The following PPP2R2C variants were observed in gnomAD, a reference collection of about 807,000 sequenced individuals.
PPP2R2C encodes protein phosphatase 2, regulatory subunit B, gamma.
A neutral mutation model predicts 45.3 loss-of-function variants in PPP2R2C; 10 were observed. The ratio of observed to expected loss-of-function variants is 0.22; its 90% CI spans 0.14 to 0.37. PPP2R2C has a LOEUF of 0.37. Ranked by LOEUF, PPP2R2C falls within the 10% of genes least tolerant of loss-of-function variation. PPP2R2C has a pLI of 1.00. For missense variants in PPP2R2C, 308 were observed against 619.7 expected (o/e 0.50, Z 5.34); for synonymous variants, 257 against 245.4 (o/e 1.05, Z -0.44).
rs545648988 is a variant in PPP2R2C, at chr4:6,558,407, A to G, written c.-59+5153T>C. ...GCAAGGTCAAGGAGAAGCCTTTCTC[A>G]GGGCTTACAAAGAGCCCTCTTCTCT... On this transcript the variant is annotated intron_variant, in intron 1 of 9. Coordinates refer to the PPP2R2C transcript ENST00000506140. Among the ~76,000 whole-genome samples, 3 of 152,292 alleles carry G rather than the reference A, an allele frequency of 2.0e-5. No individual in the cohort carries two copies. The East Asian group carries it at 5.8e-4, about 29-fold the overall frequency.
chr4:6,459,111 G>A (rs999163740), intron 1 of PPP2R2C, among the ~76,000 whole-genome samples: 4 of 152,138 alleles, frequency 2.6e-5, no homozygotes, highest in African/African-American at 9.7e-5. Flanking sequence ...CCATTTATTT[G>A]GTTCATGAAT....
At position 6,483,567 on chromosome 4, in the gene PPP2R2C, TG is replaced by T. The variant is rs544363924; in HGVS notation, c.49+51703del. On this transcript the variant is annotated intron_variant, in intron 2 of 9. Transcript: ENST00000506140. Reference sequence around the variant, plus strand: ...TCTTTTCGTGTGCTTATTTGCCATCTGTATATCATTTTGGTGAAATGTCTGT... The same window carrying T: ...TCTTTTCGTGTGCTTATTTGCCATCTTATATCATTTTGGTGAAATGTCTGT... Among the ~76,000 whole-genome samples the T allele has an allele frequency of 1.5e-3, 229 of 152,274 alleles. 3 individuals carry two copies. Among genetic ancestry groups the T allele is most frequent in the African/African-American group, 5.0e-3 (208 of 41,578 alleles).
intron 1 of PPP2R2C, among the ~76,000 whole-genome samples, chr4:6,405,618 GGGGAGTGATTAGATGGA>G (rs1250458235): frequency 2.6e-5 from 4 of 152,162 alleles, no homozygotes; most frequent in Admixed American, 2.6e-4. Context: ...CCAGGTTCCT[GGGGAGTGATTAGATGGA>G]GGGAGGGGCT....
intron 6 of PPP2R2C, among the ~76,000 whole-genome samples, chr4:6,342,662 C>G (rs1733548934): frequency 6.6e-6 from 1 of 152,210 alleles, no homozygotes; most frequent in Non-Finnish European, 1.5e-5. Flanking sequence ...TCCGCAGGCT[C>G]TGTGCTGTCA....
chr4:6,356,264 G>A (rs1164760061), intron 5 of PPP2R2C, among the ~76,000 whole-genome samples: 2 of 152,178 alleles, frequency 1.3e-5, no homozygotes, highest in Non-Finnish European at 2.9e-5. Flanking sequence ...CAGCTAACAC[G>A]TGCGGCCGGC....
rs143335866 is a variant in PPP2R2C, at chr4:6,441,881, G to A, written c.70+30279C>T. ...ACTGGGTATGGCCCCCCAGCACTGC[G>A]GTCAAAATTAAATGCCTGGGGCATG... On this transcript the variant is annotated intron_variant, in intron 1 of 8. Coordinates refer to ENST00000382599, the MANE Select transcript of PPP2R2C (RefSeq NM_020416.4). Among the ~76,000 whole-genome samples, 71 of 152,286 alleles carry A rather than the reference G, an allele frequency of 4.7e-4. No individual in the cohort carries two copies. The East Asian group carries it at 0.013, about 27-fold the overall frequency.
intron 1 of PPP2R2C, among the ~76,000 whole-genome samples, chr4:6,396,091 C>T (rs1393783953): frequency 6.6e-6 from 1 of 152,216 alleles, no homozygotes; most frequent in African/African-American, 2.4e-5. Context: ...CGCGGCAGCC[C>T]TGGCAGGTGC....
intron 1 of PPP2R2C, chr4:6,383,658 C>T (rs2109319447): frequency 1.9e-6 from 1 of 516,642 alleles, no homozygotes; most frequent in Non-Finnish European, 2.9e-6. Context: ...TCATACAGGA[C>T]ACCCTGACCA....
intron 1 of PPP2R2C, among the ~76,000 whole-genome samples, chr4:6,559,799 C>A (rs943916323): frequency 2.0e-5 from 3 of 152,326 alleles, no homozygotes; most frequent in Admixed American, 1.3e-4. Context: ...ATCCGCCACG[C>A]CTTGATCTTG....
At chr4:6,333,412 G>A in intron 7 of PPP2R2C, 150 bp downstream of exon 7, 1 of 883,742 alleles carries the variant, frequency 1.1e-6, no homozygotes. Flanking sequence ...CTACGTGTGG[G>A]GATGAGTTGC....
intron 1 of PPP2R2C, among the ~76,000 whole-genome samples, chr4:6,421,690 G>A (rs56295538): frequency 6.8e-6 from 1 of 146,272 alleles, no homozygotes; most frequent in African/African-American, 2.5e-5. Flanking sequence ...GGCATAGGAC[G>A]GCCGAGGGGG....
At chr4:6,436,406 A>C (rs983571646) in intron 1 of PPP2R2C, among the ~76,000 whole-genome samples, 3 of 152,232 alleles carry the variant, frequency 2.0e-5, no homozygotes, top group African/African-American at 7.2e-5. Flanking sequence ...CTTTGGAGAC[A>C]TCCTGCACCC....
chr4:6,407,053 C>T (rs1717844269), intron 1 of PPP2R2C, among the ~76,000 whole-genome samples: 1 of 152,160 alleles, frequency 6.6e-6, no homozygotes, highest in African/African-American at 2.4e-5. Flanking sequence ...ATGCTGGCAG[C>T]CTCTAGAGAA....
chr4:6,395,668 G>A (rs546136288), intron 1 of PPP2R2C, among the ~76,000 whole-genome samples: 135 of 152,318 alleles, frequency 8.9e-4, no homozygotes, highest in African/African-American at 2.9e-3. Flanking sequence ...GCGCAGACCC[G>A]CCAGTCATAC....
intron 1 of PPP2R2C, among the ~76,000 whole-genome samples, chr4:6,446,229 C>A (rs1223630016): frequency 6.6e-6 from 1 of 152,210 alleles, no homozygotes; most frequent in East Asian, 1.9e-4. Flanking sequence ...GCCCCTGCAG[C>A]GTCGTCAAAC....
At chr4:6,341,352 A>AG (rs1193808882) in intron 6 of PPP2R2C, among the ~76,000 whole-genome samples, 2 of 151,646 alleles carry the variant, frequency 1.3e-5, no homozygotes, top group African/African-American at 4.8e-5. Flanking sequence ...AAAAAAAAAA[A>AG]AAAAAACCCA....
chr4:6,457,357 T>A (rs1289774071), intron 1 of PPP2R2C, among the ~76,000 whole-genome samples: 1 of 152,072 alleles, frequency 6.6e-6, no homozygotes, highest in African/African-American at 2.4e-5. Flanking sequence ...CAAATGTCCA[T>A]AGGGAATGCA....
intron 1 of PPP2R2C, chr4:6,381,596 C>G (rs1016523348): frequency 6.9e-7 from 1 of 1,456,226 alleles, no homozygotes; most frequent in Non-Finnish European, 9.0e-7. Context: ...GTGAATTACC[C>G]CCTCTCCTTC....
intron 5 of PPP2R2C, among the ~76,000 whole-genome samples, chr4:6,356,187 C>A (rs1347172946): frequency 6.6e-6 from 1 of 152,112 alleles, no homozygotes; most frequent in Admixed American, 6.5e-5. Flanking sequence ...TGTCATTCAC[C>A]TGACTAGGCA....
Sources: allele counts gnomAD v4.1 joint callset (sites outside exome capture counted in the v4.1 genomes callset), GRCh38; gene constraint gnomAD v4.1.1; transcripts MANE v1.5; gene names NCBI Gene and HGNC (gene_info 2026-07-23, HGNC 2026-07-21).